The following NTRK3 variants were observed in gnomAD, a reference collection of about 807,000 sequenced individuals.
NTRK3 encodes NT-3 growth factor receptor.
A neutral mutation model predicts 91.7 loss-of-function variants in NTRK3; 24 were observed. The ratio of observed to expected loss-of-function variants is 0.26; its 90% confidence interval spans 0.19 to 0.37. The LOEUF is 0.37. Among genes scored for constraint, NTRK3 ranks in the 10% least tolerant of loss-of-function variants. NTRK3 has a pLI of 1.00. For synonymous variants in NTRK3, 483 were observed against 404.0 expected, an observed-to-expected ratio of 1.20 and a Z score of -2.34; for missense variants, 880 against 1,068.9, an observed-to-expected ratio of 0.82 and a Z score of 2.46.
chr15:88,033,894 C>A (rs868507499), intron 13 of NTRK3, among the ~76,000 whole-genome samples: 1 of 152,248 alleles, frequency 6.6e-6, no homozygotes, highest in Middle Eastern at 3.4e-3. Flanking sequence ...GCACCCTGTA[C>A]CTCCTCTTCT....
At chr15:88,199,427 C>T (rs1348958215) in intron 3 of NTRK3, among the ~76,000 whole-genome samples, 1 of 152,190 alleles carries the variant, frequency 6.6e-6, no homozygotes, top group Non-Finnish European at 1.5e-5. Flanking sequence ...CTCCTGGCTC[C>T]TAAAAAGCCC....
intron 14 of NTRK3, among the ~76,000 whole-genome samples, chr15:88,006,737 C>T (rs971257830): frequency 2.6e-5 from 4 of 152,210 alleles, no homozygotes; most frequent in Non-Finnish European, 4.4e-5. Context: ...AGGAGCACAA[C>T]ACATGCACAC....
At chr15:87,961,008 A>G (rs2072226593) in intron 14 of NTRK3, among the ~76,000 whole-genome samples, 2 of 152,102 alleles carry the variant, frequency 1.3e-5, no homozygotes, top group Non-Finnish European at 2.9e-5. Context: ...CCCAGGCCCA[A>G]CTGCTTTTTC....
chr15:88,163,147 A>G (rs1345220238), intron 5 of NTRK3, among the ~76,000 whole-genome samples: 2 of 152,056 alleles, frequency 1.3e-5, no homozygotes, highest in African/African-American at 4.8e-5. Context: ...CAGGCTCCCA[A>G]CTCATACAGA....
intron 14 of NTRK3, among the ~76,000 whole-genome samples, chr15:87,963,239 A>G (rs2072473131): frequency 6.6e-6 from 1 of 152,148 alleles, no homozygotes. Context: ...CCACTGAGCC[A>G]TCTCCCTTGT....
At position 88,197,882 on chromosome 15, in the gene NTRK3, G is replaced by GA. The variant is rs989368816; in HGVS notation, c.249-13584dup. On this transcript the variant is annotated intron_variant, in intron 3 of 18. Transcript: ENST00000394480. ...ATTTTTGGAAGCGGTTTGTTATAAT[G>GA]AAAAAAAATAACAGCTTTGGGGTCA... 2.0e-5 allele frequency among the ~76,000 whole-genome samples: 3 copies of GA among 151,932 alleles called. 1 individual carries two copies. The highest frequency in any genetic ancestry group is 4.2e-4 in the South Asian group (2 of 4,782).
intron 14 of NTRK3, among the ~76,000 whole-genome samples, chr15:87,951,754 T>A (rs2071125986): frequency 6.6e-6 from 1 of 152,148 alleles, no homozygotes; most frequent in Non-Finnish European, 1.5e-5. Flanking sequence ...CTGAAGGAAA[T>A]GGAAGGCAGG....
intron 13 of NTRK3, among the ~76,000 whole-genome samples, chr15:88,117,828 G>T (rs2052268880): frequency 6.6e-6 from 1 of 152,214 alleles, no homozygotes; most frequent in African/African-American, 2.4e-5. Context: ...GAGAGACAGG[G>T]AGTGTTATTA....
intron 14 of NTRK3, among the ~76,000 whole-genome samples, chr15:88,031,228 GTTCAGTGTTCACTAA>G (rs936884099): frequency 6.2e-4 from 94 of 152,270 alleles, no homozygotes; most frequent in African/African-American, 2.2e-3. Context: ...AGGAGCAATG[GTTCAGTGTTCACTAA>G]TTCAGTGTTC....
At chr15:87,880,467 A>T (rs1189188585) in intron 17 of NTRK3, 39 bp from the exon 19 acceptor site, 1 of 1,605,168 alleles carries the variant, frequency 6.2e-7, no homozygotes, top group Non-Finnish European at 8.5e-7. Context: ...GAGTGACCAG[A>T]TGGCCAGAAT....
intron 13 of NTRK3, among the ~76,000 whole-genome samples, chr15:88,041,780 C>T (rs424744): frequency 1.4e-5 from 2 of 142,118 alleles, no homozygotes; most frequent in South Asian, 2.3e-4. Flanking sequence ...AGACACTTCG[C>T]GTGCATCACA....
chr15:87,916,165 G>A (rs544441647), intron 17 of NTRK3: 8 of 247,894 alleles, frequency 3.2e-5, no homozygotes, highest in African/African-American at 1.8e-4. Context: ...AGGATTATGA[G>A]AGAAATACAA....
intron 13 of NTRK3, among the ~76,000 whole-genome samples, chr15:88,058,066 G>C (rs114926078): frequency 0.014 from 2,113 of 152,318 alleles, 53 homozygotes; most frequent in African/African-American, 0.048. Context: ...GATCTCACTG[G>C]CTCTGCAAGC....
At chr15:88,173,779 T>C (rs564728227) in intron 5 of NTRK3, among the ~76,000 whole-genome samples, 219 of 152,206 alleles carry the variant, frequency 1.4e-3, no homozygotes, top group African/African-American at 5.0e-3. Context: ...CTGACCAGAG[T>C]TGGCCTTGGC....
rs538458685 is a variant in NTRK3, at chr15:88,201,276, T to G, written c.249-16977A>C. ...GACCTGAGCCCACCTATTGATAGTT[T>G]TATTCCTTTTCCTCACCAGCATGCC... On this transcript the variant is annotated intron_variant, in intron 3 of 18. Coordinates refer to ENST00000394480, the Ensembl canonical transcript of NTRK3. 4.6e-5 allele frequency among the ~76,000 whole-genome samples: 7 copies of G among 152,290 alleles called. No individual in the cohort carries two copies. In the South Asian group the frequency reaches 1.2e-3, roughly 27 times the overall value.
At chr15:87,997,778 G>A (rs1292512783) in intron 14 of NTRK3, among the ~76,000 whole-genome samples, 1 of 152,148 alleles carries the variant, frequency 6.6e-6, no homozygotes, top group Non-Finnish European at 1.5e-5. Flanking sequence ...TAGGCACTTA[G>A]ATAACACTTG....
intron 13 of NTRK3, among the ~76,000 whole-genome samples, chr15:88,078,182 T>G (rs908194311): frequency 2.6e-5 from 4 of 152,200 alleles, no homozygotes; most frequent in Non-Finnish European, 5.9e-5. Context: ...AGCTCTGTCC[T>G]CTTAGCATGG....
Position 88,069,154 on chromosome 15 carries a change from T to C in NTRK3, c.1397-36109A>G, listed in dbSNP as rs531446854. Among the ~76,000 whole-genome samples, 4 of 152,208 alleles carry C rather than the reference T, an allele frequency of 2.6e-5. No homozygotes were observed. The South Asian group carries it at 8.3e-4, about 32-fold the overall frequency. On this transcript the variant is annotated intron_variant, in intron 13 of 18. Coordinates refer to ENST00000394480, the Ensembl canonical transcript of NTRK3. ...TCAGTCCCACTCTCAAGTCCTACAG[T>C]AGAAGCATGAAACTTTAGGACAACC...
At chr15:88,144,361 A>G (rs2042679423) in intron 6 of NTRK3, among the ~76,000 whole-genome samples, 1 of 152,208 alleles carries the variant, frequency 6.6e-6, no homozygotes, top group Non-Finnish European at 1.5e-5. Flanking sequence ...GGGCTTGGCC[A>G]AGACCATCTC....
Sources: allele counts gnomAD v4.1 joint callset (sites outside exome capture counted in the v4.1 genomes callset), GRCh38; gene constraint gnomAD v4.1.1; transcripts MANE v1.5; gene names NCBI Gene and HGNC (gene_info 2026-07-23, HGNC 2026-07-21).